RABL6: variants seen among roughly 807,000 people sequenced by gnomAD.
The protein encoded by RABL6 is rab-like protein 6.
A neutral mutation model predicts 72.9 loss-of-function variants in RABL6; 28 were observed. The observed-to-expected ratio is 0.38, with a 90% CI of 0.28 to 0.53. The LOEUF is 0.53. Among genes scored for constraint, RABL6 ranks in the 20% least tolerant of loss-of-function variants. The pLI is 0.80. For synonymous variants in RABL6, 477 were observed against 421.2 expected, an observed-to-expected ratio of 1.13 and a Z score of -1.62; for missense variants, 1,029 against 1,008.4, an observed-to-expected ratio of 1.02 and a Z score of -0.28.
intron 1 of RABL6, chr9:136,809,117 C>T (rs571761908): frequency 2.6e-5 from 4 of 152,346 alleles, no homozygotes; most frequent in South Asian, 2.1e-4. Flanking sequence ...TAGCCATTTC[C>T]GTATGTTTCT....
At chr9:136,833,507 C>T (rs1455914425) in intron 7 of RABL6, 3 of 615,256 alleles carry the variant, frequency 4.9e-6, no homozygotes, top group Non-Finnish European at 5.5e-6. Context: ...GGGACCTGAA[C>T]CTCCTCGCCC....
At chr9:136,822,734 A>T (rs1194899780) in intron 1 of RABL6, among the ~76,000 whole-genome samples, 1 of 152,140 alleles carries the variant, frequency 6.6e-6, no homozygotes, top group African/African-American at 2.4e-5. Flanking sequence ...GCCCGGGGCT[A>T]CCCGGCACAC....
intron 5 of RABL6, among the ~76,000 whole-genome samples, chr9:136,830,419 C>T (rs943423594): frequency 4.6e-5 from 7 of 152,250 alleles, no homozygotes; most frequent in African/African-American, 1.2e-4. Flanking sequence ...AAGGACTGAC[C>T]GCAGGCACCC....
rs188821543 is a variant in RABL6, at chr9:136,818,216, A to T, written c.131-5309A>T. Among the ~76,000 whole-genome samples the T allele has an allele frequency of 9.8e-3, 1,489 of 151,316 alleles. 14 individuals carry two copies. Among genetic ancestry groups the T allele is most frequent in the Non-Finnish European group, 0.016 (1,074 of 67,808 alleles). ...GTCTCTACTAAAAATACAAAAAATT[A>T]GACGGGCGTGGTGGCGGGCGCCTGT... On this transcript the variant is annotated intron_variant, in intron 1 of 14. Coordinates refer to ENST00000311502, the MANE Select transcript of RABL6 (RefSeq NM_024718.5).
chr9:136,835,798 G>A lies in RABL6; in HGVS notation c.762G>A (p.Leu254=). Residue 254 remains leucine (L), a synonymous_variant, in exon 8 of 15, where the codon CTG becomes CTA. Coordinates refer to ENST00000311502, the MANE Select transcript of RABL6 (RefSeq NM_024718.5). ...ETNQLDMDAT[L]EELSVQQETE... ...ACCAGCTGGACATGGACGCCACGCT[G>A]GAGGAGCTGTCGGTGCAGCAGGAGA... is the stretch of plus-strand genomic sequence containing the variant. 1.9e-6 allele frequency: 3 copies of A among 1,555,272 alleles called. No individual in the cohort carries two copies. The highest frequency in any genetic ancestry group is 1.7e-6 in the Non-Finnish European group (2 of 1,150,628).
At chr9:136,813,216 C>A in intron 1 of RABL6, 1 of 523,264 alleles carries the variant, frequency 1.9e-6, no homozygotes, top group African/African-American at 1.9e-5. Flanking sequence ...GCCCTGCCCC[C>A]AGTTTCCCTT....
At chr9:136,832,406 GTC>G in intron 7 of RABL6, 36 bp downstream of exon 7, 1 of 1,496,980 alleles carries the variant, frequency 6.7e-7, no homozygotes, top group Non-Finnish European at 9.3e-7. Context: ...GTGGCTGCTG[GTC>G]TCTCACCTCC....
chr9:136,829,930 C>T (rs1457224125), intron 5 of RABL6, among the ~76,000 whole-genome samples: 2 of 152,236 alleles, frequency 1.3e-5, no homozygotes, highest in African/African-American at 4.8e-5. Context: ...CTCTGGGGGA[C>T]CAGGCGCAAG....
chr9:136,817,114 A>G (rs1040007744), intron 1 of RABL6, among the ~76,000 whole-genome samples: 3 of 152,204 alleles, frequency 2.0e-5, no homozygotes, highest in Admixed American at 6.5e-5. Context: ...AATGAAAAAC[A>G]TAGTCATTAA....
intron 7 of RABL6, chr9:136,833,683 C>G (rs1164963232): frequency 2.3e-5 from 35 of 1,548,854 alleles, no homozygotes; most frequent in Middle Eastern, 3.4e-4. Flanking sequence ...GGACCTGGGG[C>G]CCAGCTGCAG....
At chr9:136,817,826 C>T (rs926342391) in intron 1 of RABL6, among the ~76,000 whole-genome samples, 18 of 152,102 alleles carry the variant, frequency 1.2e-4, no homozygotes, top group African/African-American at 4.1e-4. Flanking sequence ...CTTTGCGAGG[C>T]TGAGGCAGGT....
Position 136,839,255 on chromosome 9 carries a change from GACAGCTCCC to G in RABL6, c.1530_1538del (p.Ala511_Thr513del). ...TACCAGCTTCGAAGCCACGGAGGGG[GACAGCTCCC>G]ACGAGGACCGCAGCACCCCCCTGGC... On this transcript the variant is annotated inframe_deletion, in exon 12 of 15. Coordinates refer to ENST00000311502, the MANE Select transcript of RABL6 (RefSeq NM_024718.5). The G allele has an allele frequency of 2.5e-6, 4 of 1,605,330 alleles. No individual in the cohort carries two copies. The highest frequency in any genetic ancestry group is 3.4e-6 in the Non-Finnish European group (4 of 1,176,492).
chr9:136,840,948 GCTT>G lies in RABL6; in HGVS notation c.*428_*430del. 1.4e-6 allele frequency: 2 copies of G among 1,460,172 alleles called. No individual in the cohort carries two copies. Among genetic ancestry groups the G allele is most frequent in the Admixed American group, 5.2e-5 (2 of 38,442 alleles). The allele number at this position is 1,460,172 out of a possible 1,614,324, so 90.5% of individuals were successfully genotyped here. ...GGGGCCGCAGCATGCCTATGGTTCC[GCTT>G]CCGGCCGGGAGCCCTGAACACGGGT... On this transcript the variant is annotated 3_prime_UTR_variant, in exon 15 of 15. Transcript: ENST00000311502.
intron 2 of RABL6, among the ~76,000 whole-genome samples, chr9:136,825,460 GCCGTGC>G (rs1848334017): frequency 6.8e-6 from 1 of 148,088 alleles, no homozygotes; most frequent in African/African-American, 2.6e-5. Flanking sequence ...GGAGGGAGGG[GCCGTGC>G]CCAGGATCGG....
At chr9:136,818,378 A>ACAAACAAAAAAAAAAAAC (rs1308596644) in intron 1 of RABL6, among the ~76,000 whole-genome samples, 1 of 71,162 alleles carries the variant, frequency 1.4e-5, no homozygotes, top group African/African-American at 7.5e-5. Flanking sequence ...AAAAAAAAAA[A>ACAAACAAAAAAAAAAAAC]AAAAAAAAAA....
In RABL6 at chr9:136,839,687, G is replaced by T; in HGVS notation, c.1759-7G>T. On this transcript the variant is annotated splice_region_variant and splice_polypyrimidine_tract_variant and intron_variant, in intron 12 of 14. Transcript: ENST00000311502. Reference sequence around the variant, plus strand: ...GATGGCCTGACCAGTTGCTCTCCCTGCTCCAGGATGACTTTCCCGTGCGAG... The same window carrying T: ...GATGGCCTGACCAGTTGCTCTCCCTTCTCCAGGATGACTTTCCCGTGCGAG... The T allele has an allele frequency of 6.3e-7, 1 of 1,575,332 alleles. No homozygotes were observed. Among genetic ancestry groups the T allele is most frequent in the Non-Finnish European group, 8.6e-7 (1 of 1,157,456 alleles).
intron 7 of RABL6, 136 bp downstream of exon 7, chr9:136,832,506 G>GCC (rs1848498763): frequency 1.3e-6 from 1 of 797,158 alleles, no homozygotes; most frequent in Admixed American, 2.0e-5. Flanking sequence ...GCTGGCAAGG[G>GCC]CCCAGCGTTC....
chr9:136,828,417 C>A, intron 3 of RABL6, 77 bp from the exon 4 acceptor site: 1 of 1,477,258 alleles, frequency 6.8e-7, no homozygotes, highest in Non-Finnish European at 9.4e-7. Context: ...GCTGAGTGGC[C>A]ATGGGGGGAC....
intron 3 of RABL6, chr9:136,827,085 A>T (rs528979160): frequency 6.6e-6 from 1 of 152,106 alleles, no homozygotes; most frequent in East Asian, 1.9e-4. Flanking sequence ...CTCTGGGGTT[A>T]CATGTGTACC....
Sources: allele counts gnomAD v4.1 joint callset (sites outside exome capture counted in the v4.1 genomes callset), GRCh38; gene constraint gnomAD v4.1.1; transcripts MANE v1.5; gene names NCBI Gene and HGNC (gene_info 2026-07-23, HGNC 2026-07-21).